DNAH14: variants seen among roughly 807,000 people sequenced by gnomAD.
DNAH14 encodes the protein axonemal beta dynein heavy chain 14.
DNAH14 carries 478 observed loss-of-function variants against 520.9 expected under a neutral mutation model. That is an observed-to-expected ratio of 0.92 (90% CI 0.85 to 0.99). DNAH14 has a LOEUF of 0.99. Ranked by LOEUF, DNAH14 falls within the 50% of genes least tolerant of loss-of-function variation. DNAH14 has a pLI of 0.00. For synonymous variants in DNAH14, 1,581 were observed against 1,757.2 expected (o/e 0.90, Z 2.51); for missense variants, 4,831 against 5,234.5 (o/e 0.92, Z 2.38).
intron 29 of DNAH14, among the ~76,000 whole-genome samples, chr1:225,144,943 G>A (rs752535578): frequency 1.3e-5 from 2 of 152,068 alleles, no homozygotes; most frequent in Non-Finnish European, 2.9e-5. Flanking sequence ...AAGAGAGAGA[G>A]AGAGAAAGTG....
At chr1:225,293,176 A>G (rs1312511110) in intron 55 of DNAH14, among the ~76,000 whole-genome samples, 1 of 152,174 alleles carries the variant, frequency 6.6e-6, no homozygotes, top group Non-Finnish European at 1.5e-5. Flanking sequence ...AAAATAACAA[A>G]TGCTGATGAG....
chr1:225,045,942 A>G (rs2148257044), intron 15 of DNAH14, among the ~76,000 whole-genome samples: 2 of 152,212 alleles, frequency 1.3e-5, no homozygotes, highest in Middle Eastern at 6.8e-3. Context: ...CCTGCAAGTT[A>G]TTACTGTGGT....
At position 225,080,734 on chromosome 1, in the gene DNAH14, C is replaced by G; in HGVS notation, c.3122C>G (p.Ser1041Trp). The G allele has an allele frequency of 2.6e-6, 4 of 1,517,452 alleles. No homozygotes were observed. The highest frequency in any genetic ancestry group is 3.5e-6 in the Non-Finnish European group (4 of 1,131,544). 94.0% of individuals were successfully genotyped at this position (1,517,452 alleles called of 1,614,324 possible). ...RNVSKLMHIISVLEKGLPKSD... is the reference protein window; with the variant it reads ...RNVSKLMHIIWVLEKGLPKSD... The stretch of plus-strand genomic sequence containing the variant: ...GTTTCAAAACTGATGCACATAATCT[C>G]GGTACTAGAAAAAGGTAAAAATGTG... Residue 1041 changes from serine (S) to tryptophan (W), a missense_variant, in exon 19 of 86, where the codon TCG (serine) becomes TGG (tryptophan). Physicochemically the swap from Ser to Trp is radical, Grantham distance 177. Coordinates refer to ENST00000682510, the MANE Select transcript of DNAH14 (RefSeq NM_001367479.1).
intron 36 of DNAH14, among the ~76,000 whole-genome samples, chr1:225,171,941 G>C (rs1276342269): frequency 1.3e-5 from 2 of 152,142 alleles, no homozygotes; most frequent in Admixed American, 1.3e-4. Context: ...CTTCATCCCT[G>C]GGATGCAAGG....
chr1:225,150,347 G>T (rs1029762702), intron 31 of DNAH14, among the ~76,000 whole-genome samples: 21 of 152,134 alleles, frequency 1.4e-4, no homozygotes, highest in African/African-American at 4.8e-4. Context: ...ATATTGGCCT[G>T]AAGTTTCTTC....
At chr1:225,347,562 A>G (rs537795863) in intron 71 of DNAH14, among the ~76,000 whole-genome samples, 9 of 152,312 alleles carry the variant, frequency 5.9e-5, no homozygotes, top group African/African-American at 2.2e-4. Context: ...CTGACTCAGA[A>G]TATTGATAAG....
chr1:225,074,398 A>G (rs1371241053), intron 17 of DNAH14, among the ~76,000 whole-genome samples: 1 of 152,200 alleles, frequency 6.6e-6, no homozygotes, highest in Non-Finnish European at 1.5e-5. Flanking sequence ...AGGAACAGAT[A>G]CGGGACCTAC....
At chr1:224,949,303 C>G (rs1307847097) in intron 1 of DNAH14, among the ~76,000 whole-genome samples, 1 of 151,940 alleles carries the variant, frequency 6.6e-6, no homozygotes, top group East Asian at 1.9e-4. Context: ...TGCAGTTTCA[C>G]TATGTTGGGT....
intron 11 of DNAH14, among the ~76,000 whole-genome samples, chr1:225,037,914 C>T (rs1006715866): frequency 1.3e-5 from 2 of 152,098 alleles, no homozygotes; most frequent in African/African-American, 4.8e-5. Context: ...AACTCCTGAC[C>T]TCAGGTGATC....
intron 38 of DNAH14, among the ~76,000 whole-genome samples, chr1:225,197,017 G>A (rs1453048542): frequency 1.3e-5 from 2 of 150,452 alleles, no homozygotes; most frequent in Non-Finnish European, 2.9e-5. Flanking sequence ...TCTGCTGACT[G>A]TACCTTTTGC....
At chr1:225,170,193 A>G (rs991257070) in intron 36 of DNAH14, among the ~76,000 whole-genome samples, 2 of 152,236 alleles carry the variant, frequency 1.3e-5, no homozygotes, top group Non-Finnish European at 2.9e-5. Flanking sequence ...CGTTGAGGCT[A>G]GGAAGAAACT....
At chr1:225,035,490 T>C (rs2066886003) in intron 11 of DNAH14, among the ~76,000 whole-genome samples, 1 of 150,530 alleles carries the variant, frequency 6.6e-6, no homozygotes, top group Admixed American at 6.7e-5. Flanking sequence ...ATTAGGTTGT[T>C]TATTTGAAGT....
chr1:224,963,866 A>C lies in DNAH14; in HGVS notation c.368-613A>C, dbSNP rs143607790. 4.2e-3 allele frequency among the ~76,000 whole-genome samples: 640 copies of C among 152,230 alleles called. 4 individuals carry two copies. Among genetic ancestry groups the C allele is most frequent in the African/African-American group, 0.015 (609 of 41,558 alleles). On this transcript the variant is annotated intron_variant, in intron 4 of 85. Transcript: ENST00000682510. ...TTAGCAAAGAAGTTGTTTTAGTCCA[A>C]TGCTGTTTGTAAGTTCTAGAGGGCC...
chr1:225,348,780 A>C (rs1488190466), intron 71 of DNAH14, among the ~76,000 whole-genome samples: 1 of 152,212 alleles, frequency 6.6e-6, no homozygotes, highest in Non-Finnish European at 1.5e-5. Context: ...CCATGTGAAA[A>C]ATGTAAGGTT....
At chr1:225,389,981 G>A (rs1277903407) in intron 83 of DNAH14, 108 bp downstream of exon 83, 12 of 972,516 alleles carry the variant, frequency 1.2e-5, no homozygotes, top group East Asian at 2.6e-5. Flanking sequence ...CAACACCTGC[G>A]CCTCCACAGG....
At chr1:225,007,317 G>T (rs2064254561) in intron 9 of DNAH14, 96 bp from the exon 10 acceptor site, 2 of 1,011,816 alleles carry the variant, frequency 2.0e-6, no homozygotes, top group East Asian at 7.3e-5. Context: ...GTAAAATATG[G>T]AGTCTTCTTT....
At chr1:224,991,587 T>C (rs2063052266) in intron 8 of DNAH14, among the ~76,000 whole-genome samples, 1 of 152,100 alleles carries the variant, frequency 6.6e-6, no homozygotes, top group African/African-American at 2.4e-5. Context: ...GTGATTCTCC[T>C]GCCTCAGCCG....
intron 23 of DNAH14, among the ~76,000 whole-genome samples, chr1:225,110,646 T>C (rs921845843): frequency 8.6e-5 from 13 of 151,970 alleles, no homozygotes; most frequent in Admixed American, 2.6e-4. Flanking sequence ...TTATCTTTTC[T>C]ATAGTGTAAT....
intron 21 of DNAH14, among the ~76,000 whole-genome samples, chr1:225,090,463 AT>A (rs1222510695): frequency 6.6e-6 from 1 of 152,192 alleles, no homozygotes; most frequent in Non-Finnish European, 1.5e-5. Context: ...AAGTTGGAGC[AT>A]TAAAACTACC....
Sources: allele counts gnomAD v4.1 joint callset (sites outside exome capture counted in the v4.1 genomes callset), GRCh38; gene constraint gnomAD v4.1.1; transcripts MANE v1.5; gene names NCBI Gene and HGNC (gene_info 2026-07-23, HGNC 2026-07-21).